SH3BGRL2: variants seen among roughly 807,000 people sequenced by gnomAD.
SH3BGRL2 encodes SH3 domain-binding glutamic acid-rich-like protein 2.
SH3BGRL2 carries 21 observed loss-of-function variants against 14.8 expected under a neutral mutation model. That is an observed-to-expected ratio of 1.42 (90% CI 1.01 to 2.05). The LOEUF (loss-of-function observed/expected upper bound fraction) is 2.05, where lower values mean the gene tolerates loss of function less well. SH3BGRL2 is among the 30% of genes most tolerant of loss of function. The probability of loss-of-function intolerance (pLI) is 0.00; values close to 1 mark genes in which losing one functional copy is unlikely to be tolerated. For missense variants in SH3BGRL2, 147 were observed against 130.8 expected (o/e 1.12, Z -0.61); for synonymous variants, 50 against 47.8 (o/e 1.05, Z -0.19).
chr6:79,664,403 A>C (rs1041117934), intron 1 of SH3BGRL2, among the ~76,000 whole-genome samples: 7 of 152,206 alleles, frequency 4.6e-5, no homozygotes, highest in African/African-American at 1.7e-4. Context: ...GCAGTTCTCT[A>C]TGCTGAATTA....
At chr6:79,595,562 C>T in the SH3BGRL2 span, among the ~76,000 whole-genome samples, 1 of 151,802 alleles carries the variant, frequency 6.6e-6, no homozygotes, top group Non-Finnish European at 1.5e-5. Context: ...TATAATACAC[C>T]AAAAAATAAA....
At chr6:79,566,070 G>T in the SH3BGRL2 span, among the ~76,000 whole-genome samples, 1 of 152,196 alleles carries the variant, frequency 6.6e-6, no homozygotes, top group Non-Finnish European at 1.5e-5. Context: ...TAGTCTTGGG[G>T]TGAGGAGGAT....
the SH3BGRL2 span, among the ~76,000 whole-genome samples, chr6:79,622,222 G>A: frequency 6.6e-6 from 1 of 152,166 alleles, no homozygotes; most frequent in Non-Finnish European, 1.5e-5. Context: ...CAGAAAGCCT[G>A]TCTTCATTTT....
rs1043856309 is a variant in SH3BGRL2, at chr6:79,702,103, T to C, written c.*2594T>C. On this transcript the variant is annotated 3_prime_UTR_variant, in exon 4 of 4. Transcript: ENST00000369838. ...ATTTAGTTGGGAAAATACTTGTTTT[T>C]CCAAATTCCGGTGTTTTATTACAAT... The C allele has an allele frequency of 6.6e-6, 1 of 152,592 alleles. No individual in the cohort carries two copies. Among genetic ancestry groups the C allele is most frequent in the African/African-American group, 2.4e-5 (1 of 41,448 alleles). 9.5% of individuals were successfully genotyped at this position (152,592 alleles called of 1,614,324 possible).
chr6:79,624,500 G>A, the SH3BGRL2 span, among the ~76,000 whole-genome samples: 13 of 151,850 alleles, frequency 8.6e-5, no homozygotes, highest in Admixed American at 6.6e-4. Flanking sequence ...AATATGTTCA[G>A]TATCATCTTC....
chr6:79,700,494 A>G lies in SH3BGRL2; in HGVS notation c.*985A>G, dbSNP rs1770432676. ...TGATTAGACATATTAAAATATACCA[A>G]TGTTGTAGTAAAATTTAATTTTTCC... On this transcript the variant is annotated 3_prime_UTR_variant, in exon 4 of 4. Transcript: ENST00000369838. The G allele has an allele frequency of 1.3e-5, 2 of 152,158 alleles. No homozygotes were observed. The highest frequency in any genetic ancestry group is 2.9e-5 in the Non-Finnish European group (2 of 68,032). 9.4% of individuals were successfully genotyped at this position (152,158 alleles called of 1,614,324 possible).
At chr6:79,673,285 G>C (rs180952049) in intron 1 of SH3BGRL2, among the ~76,000 whole-genome samples, 2 of 152,028 alleles carry the variant, frequency 1.3e-5, no homozygotes, top group Non-Finnish European at 2.9e-5. Context: ...AGAAACGACC[G>C]TGTTAGTGGC....
At chr6:79,573,672 AT>A in the SH3BGRL2 span, among the ~76,000 whole-genome samples, 1 of 152,094 alleles carries the variant, frequency 6.6e-6, no homozygotes, top group South Asian at 2.1e-4. Context: ...AGGCTTATAA[AT>A]TTTTCTTAAA....
At chr6:79,681,891 G>A (rs1364599090) in intron 2 of SH3BGRL2, among the ~76,000 whole-genome samples, 1 of 151,972 alleles carries the variant, frequency 6.6e-6, no homozygotes, top group African/African-American at 2.4e-5. Context: ...GGCAGACGTT[G>A]CAGTGAGCAG....
chr6:79,688,297 A>G lies in SH3BGRL2; in HGVS notation c.232-8188A>G, dbSNP rs564925016. On this transcript the variant is annotated intron_variant, in intron 2 of 3. Transcript: ENST00000369838. ...AAATGTTCCCTTAGTGAGTTCGAGTAGCTTGGTTATGCTATTATCTATACA... is the reference window on the plus strand; with the variant it reads ...AAATGTTCCCTTAGTGAGTTCGAGTGGCTTGGTTATGCTATTATCTATACA... Among the ~76,000 whole-genome samples the G allele has an allele frequency of 2.2e-3, 330 of 152,114 alleles. 1 individual carries two copies. The highest frequency in any genetic ancestry group is 3.5e-3 in the Non-Finnish European group (238 of 67,988).
the SH3BGRL2 span, among the ~76,000 whole-genome samples, chr6:79,554,079 G>A: frequency 6.6e-6 from 1 of 151,944 alleles, no homozygotes; most frequent in Non-Finnish European, 1.5e-5. Context: ...GCTATCATCT[G>A]TGTCACCATC....
At chr6:79,689,927 T>C (rs576950219) in intron 2 of SH3BGRL2, among the ~76,000 whole-genome samples, 2 of 152,330 alleles carry the variant, frequency 1.3e-5, no homozygotes, top group African/African-American at 4.8e-5. Context: ...GTTTTCTTTT[T>C]TACATTTCAT....
chr6:79,619,315 C>T, the SH3BGRL2 span, among the ~76,000 whole-genome samples: 15 of 152,066 alleles, frequency 9.9e-5, no homozygotes, highest in Non-Finnish European at 1.6e-4. Flanking sequence ...GTCTTCCCTG[C>T]TCTGTGCTTT....
chr6:79,652,371 GCTTAT>G (rs1441160665), intron 1 of SH3BGRL2, among the ~76,000 whole-genome samples: 1 of 152,108 alleles, frequency 6.6e-6, no homozygotes, highest in African/African-American at 2.4e-5. Context: ...CAGGTTTATA[GCTTAT>G]CTTTGTTATT....
chr6:79,565,184 T>G, the SH3BGRL2 span, among the ~76,000 whole-genome samples: 1 of 152,206 alleles, frequency 6.6e-6, no homozygotes, highest in South Asian at 2.1e-4. Context: ...AAATACTTTA[T>G]TCTCTGAATT....
the SH3BGRL2 span, among the ~76,000 whole-genome samples, chr6:79,608,237 C>T: frequency 0.035 from 5,335 of 152,182 alleles, 136 homozygotes; most frequent in Non-Finnish European, 0.054. Flanking sequence ...ATGAGACTTG[C>T]GTGGGGATAC....
chr6:79,698,291 A>G (rs756525167), intron 3 of SH3BGRL2, among the ~76,000 whole-genome samples: 4 of 152,168 alleles, frequency 2.6e-5, no homozygotes. Context: ...AGAAGTGAAA[A>G]TGTCTTCAAG....
At chr6:79,645,662 A>G (rs1472657851) in intron 1 of SH3BGRL2, among the ~76,000 whole-genome samples, 2 of 152,214 alleles carry the variant, frequency 1.3e-5, no homozygotes, top group African/African-American at 4.8e-5. Context: ...AAGGCTATAT[A>G]TATGTTTCAA....
At chr6:79,671,515 TCTTCCATTTG>T (rs1476779939) in intron 1 of SH3BGRL2, among the ~76,000 whole-genome samples, 6 of 152,338 alleles carry the variant, frequency 3.9e-5, no homozygotes, top group African/African-American at 1.4e-4. Flanking sequence ...AATTTACTTC[TCTTCCATTTG>T]CTTAGGAAAT....
Sources: allele counts gnomAD v4.1 joint callset (sites outside exome capture counted in the v4.1 genomes callset), GRCh38; gene constraint gnomAD v4.1.1; transcripts MANE v1.5; gene names NCBI Gene and HGNC (gene_info 2026-07-23, HGNC 2026-07-21).